MYMK: variants seen among roughly 807,000 people sequenced by gnomAD.
MYMK encodes protein myomaker.
Under a neutral mutation model 22.4 loss-of-function variants are expected in MYMK, and 16 were observed. The observed-to-expected ratio is 0.72, with a 90% CI of 0.48 to 1.09. The LOEUF is 1.09. Among genes scored for constraint, MYMK ranks in the 50% least tolerant of loss-of-function variants. The pLI is 0.00. For missense variants in MYMK, 250 were observed against 295.6 expected (o/e 0.85, Z 1.13); for synonymous variants, 125 against 127.0 (o/e 0.98, Z 0.11).
intron 4 of MYMK, 146 bp from the exon 5 acceptor site, chr9:133,514,931 CA>C (rs1351750706): frequency 7.9e-6 from 7 of 890,520 alleles, no homozygotes; most frequent in Non-Finnish European, 1.2e-5. Flanking sequence ...GTCGCGCTCA[CA>C]GTGGTTTTTC....
chr9:133,522,943 C>A (rs1009578177), intron 1 of MYMK, among the ~76,000 whole-genome samples: 1 of 152,208 alleles, frequency 6.6e-6, no homozygotes, highest in Non-Finnish European at 1.5e-5. Flanking sequence ...AATCAAGATC[C>A]TAGGCTTGTG....
At chr9:133,520,393 T>A (rs1015040780) in intron 1 of MYMK, 105 bp from the exon 2 acceptor site, 3 of 831,594 alleles carry the variant, frequency 3.6e-6, no homozygotes, top group African/African-American at 3.4e-5. Context: ...AGAAGTCACT[T>A]TGGCGAGTCA....
intron 1 of MYMK, among the ~76,000 whole-genome samples, chr9:133,520,916 G>A (rs914961043): frequency 6.6e-6 from 1 of 152,162 alleles, no homozygotes; most frequent in African/African-American, 2.4e-5. Flanking sequence ...GCTGATTAGG[G>A]AGGGCTGGGT....
Position 133,515,911 on chromosome 9 carries a change from T to C in MYMK, c.400-304A>G, listed in dbSNP as rs917979038. On this transcript the variant is annotated intron_variant, in intron 3 of 4. Coordinates refer to ENST00000339996, the MANE Select transcript of MYMK (RefSeq NM_001080483.3). The surrounding 1 kb of genome is among the most constrained non-coding windows in gnomAD (Gnocchi z 5.8). ...GAGATGTAACAACGCCACCCTCGCA[T>C]GTCTCCTCCTCCCTGGAGGGGAGCT... Among the ~76,000 whole-genome samples the C allele has an allele frequency of 1.3e-5, 2 of 152,218 alleles. No individual in the cohort carries two copies. The highest frequency in any genetic ancestry group is 2.9e-5 in the Non-Finnish European group (2 of 68,030).
intron 1 of MYMK, among the ~76,000 whole-genome samples, chr9:133,522,244 G>A (rs62576045): frequency 0.23 from 35,423 of 152,102 alleles, 4,481 homozygotes; most frequent in South Asian, 0.31. Flanking sequence ...CCGGGGCACT[G>A]GTGGGGTGGG....
At chr9:133,524,638 GT>G in intron 1 of MYMK, 71 bp downstream of exon 1, 2 of 1,608,124 alleles carry the variant, frequency 1.2e-6, no homozygotes, top group Non-Finnish European at 1.7e-6. Context: ...CAAGAACGCT[GT>G]GGACAGAGAG....
chr9:133,520,637 C>CG (rs753241078), intron 1 of MYMK, among the ~76,000 whole-genome samples: 16 of 151,956 alleles, frequency 1.1e-4, no homozygotes, highest in African/African-American at 2.7e-4. Flanking sequence ...GGGCGGTCTC[C>CG]GGGAGGGACC....
At chr9:133,521,416 G>A (rs1009829529) in intron 1 of MYMK, among the ~76,000 whole-genome samples, 1 of 152,130 alleles carries the variant, frequency 6.6e-6, no homozygotes, top group Non-Finnish European at 1.5e-5. Context: ...GGGAGCGGGG[G>A]CCCTGGGTGA....
intron 1 of MYMK, among the ~76,000 whole-genome samples, chr9:133,523,761 T>G: frequency 7.2e-6 from 1 of 138,816 alleles, no homozygotes; most frequent in East Asian, 2.2e-4. Flanking sequence ...GAGAGACACA[T>G]GGAGAGTCAG....
rs1020857526 is a variant in MYMK, at chr9:133,515,252, C to G, written c.516+239G>C. Among the ~76,000 whole-genome samples, 6 of 151,730 alleles carry G rather than the reference C, an allele frequency of 4.0e-5. No individual in the cohort carries two copies. The highest frequency in any genetic ancestry group is 7.4e-5 in the Non-Finnish European group (5 of 67,944). On this transcript the variant is annotated intron_variant, in intron 4 of 4. Transcript: ENST00000339996. This position sits in a 1 kb window ranked among gnomAD's most constrained non-coding sequence, Gnocchi z 5.8. ...GTCTGAGATGCCAGCTGTCTGTAGG[C>G]AGCCAGCTTTGGTCTCTGTGACCTC... is the stretch of plus-strand genomic sequence containing the variant.
rs375607901 is a variant in MYMK at position 133,518,883 on chromosome 9, C to T, written c.390G>A (p.Ala130=). Residue 130 remains alanine (A), a synonymous_variant, in exon 3 of 5, where the codon GCG becomes GCA. Transcript: ENST00000339996. ...GPIGTAILII[A]AKWLQKMKEK... ...CTCGCGCAGTACGCACCCACTTTGC[C>T]GCGATGATGAGGATGGCTGTGCCGA... is the stretch of plus-strand genomic sequence containing the variant. 50 of 1,612,472 alleles carry T rather than the reference C, an allele frequency of 3.1e-5. 1 individual carries two copies. Among genetic ancestry groups the T allele is most frequent in the South Asian group, 2.4e-4 (22 of 91,040 alleles).
At chr9:133,523,665 T>G in intron 1 of MYMK, among the ~76,000 whole-genome samples, 2 of 136,080 alleles carry the variant, frequency 1.5e-5, no homozygotes, top group African/African-American at 5.7e-5. Context: ...GATGGATGCG[T>G]AGATAGAGAG....
At chr9:133,520,091 G>T in intron 2 of MYMK, 83 bp downstream of exon 2, 2 of 1,024,482 alleles carry the variant, frequency 2.0e-6, no homozygotes, top group South Asian at 1.3e-5. Context: ...GGGCTGCAGC[G>T]GGACTGGTTT....
chr9:133,524,381 C>G (rs538279921), intron 1 of MYMK, among the ~76,000 whole-genome samples: 3 of 151,886 alleles, frequency 2.0e-5, no homozygotes, highest in Non-Finnish European at 4.4e-5. Context: ...CATGGGCAGC[C>G]GTGGGGGCTT....
At chr9:133,524,668 G>T in intron 1 of MYMK, 42 bp downstream of exon 1, 1 of 1,613,858 alleles carries the variant, frequency 6.2e-7, no homozygotes, top group Non-Finnish European at 8.5e-7. Flanking sequence ...CTACCTCCAG[G>T]ATGGGGCCTG....
chr9:133,516,598 T>C (rs1160015357), intron 3 of MYMK, among the ~76,000 whole-genome samples: 1 of 152,198 alleles, frequency 6.6e-6, no homozygotes, highest in Non-Finnish European at 1.5e-5. Context: ...ACCCAGTGAA[T>C]TATGAATTGA....
intron 3 of MYMK, among the ~76,000 whole-genome samples, chr9:133,517,800 T>C (rs892857394): frequency 2.0e-5 from 3 of 152,132 alleles, no homozygotes; most frequent in African/African-American, 7.2e-5. Flanking sequence ...TCCTTGGCTG[T>C]GGGGAGGATT....
Position 133,524,805 on chromosome 9 carries a change from T to A in MYMK, c.40A>T (p.Ser14Cys). ...ACAGTGGGGAGGAAGGCCAGGCTGC[T>A]GAGGGTGGGCAGGAGCAGCTTGGCC... ...LVAKLLLPTL[S>C]SLAFLPTVSI... is the part of the protein sequence containing the mutation. Residue 14 changes from serine (S) to cysteine (C), a missense_variant, in exon 1 of 5, where the codon AGC becomes TGC. Transcript: ENST00000339996. 1 of 1,613,786 alleles carries A rather than the reference T, an allele frequency of 6.2e-7. No homozygotes were observed. Among genetic ancestry groups the A allele is most frequent in the Non-Finnish European group, 8.5e-7 (1 of 1,179,924 alleles).
chr9:133,524,822 A>G lies in MYMK; in HGVS notation c.23T>C (p.Leu8Pro). 6.2e-7 allele frequency: 1 copy of G among 1,612,346 alleles called. No individual in the cohort carries two copies. The highest frequency in any genetic ancestry group is 8.5e-7 in the Non-Finnish European group (1 of 1,179,142). Residue 8 changes from leucine (L) to proline (P), a missense_variant, in exon 1 of 5, where the codon CTG becomes CCG. Physicochemically the swap from Leu to Pro is moderately conservative, Grantham distance 98. Coordinates refer to ENST00000339996, the MANE Select transcript of MYMK (RefSeq NM_001080483.3). MGTLVAK[L>P]LLPTLSSLAF... Reference sequence around the variant, plus strand: ...CAGGCTGCTGAGGGTGGGCAGGAGCAGCTTGGCCACCAGCGTCCCCATGGG... The same window carrying G: ...CAGGCTGCTGAGGGTGGGCAGGAGCGGCTTGGCCACCAGCGTCCCCATGGG...
Sources: gnomAD v4.1 joint callset for allele counts (sites outside exome capture counted in the v4.1 genomes callset) on GRCh38, gnomAD v4.1.1 for gene constraint, Gnocchi (gnomAD v3.1) non-coding constraint, MANE v1.5 for transcripts, NCBI Gene and HGNC (gene_info 2026-07-23, HGNC 2026-07-21) for gene names.